The following PCDH15 variants were observed in gnomAD, a reference collection of about 807,000 sequenced individuals.
PCDH15 encodes protocadherin-15.
A neutral mutation model predicts 178.5 loss-of-function variants in PCDH15; 129 were observed. That is an observed-to-expected ratio of 0.72 (90% confidence interval 0.63 to 0.84). PCDH15 has a LOEUF of 0.84. Ranked by LOEUF, PCDH15 falls within the 40% of genes least tolerant of loss-of-function variation. The pLI, the probability that PCDH15 is intolerant of heterozygous loss-of-function variation, is 0.00. For synonymous variants in PCDH15, 800 were observed against 732.0 expected, an observed-to-expected ratio of 1.09 and a Z score of -1.50; for missense variants, 2,230 against 2,099.9, an observed-to-expected ratio of 1.06 and a Z score of -1.21.
chr10:54,201,677 A>AT (rs1299004728), intron 10 of PCDH15, among the ~76,000 whole-genome samples: 5 of 152,254 alleles, frequency 3.3e-5, no homozygotes, highest in East Asian at 1.9e-4. Flanking sequence ...GGCTTTAAAT[A>AT]TTTTTTTAAA....
intron 2 of PCDH15, among the ~76,000 whole-genome samples, chr10:55,613,047 G>A (rs1297850640): frequency 4.6e-5 from 6 of 131,624 alleles, no homozygotes; most frequent in East Asian, 2.4e-4. Flanking sequence ...TTTTTGAGAC[G>A]GAATCTCTCT....
chr10:55,544,854 G>A (rs554276376), intron 2 of PCDH15, among the ~76,000 whole-genome samples: 2 of 152,190 alleles, frequency 1.3e-5, no homozygotes, highest in South Asian at 2.1e-4. Context: ...AACTTTACAC[G>A]TAAAGGTAAA....
At chr10:54,036,490 T>TC (rs36008402) in intron 18 of PCDH15, among the ~76,000 whole-genome samples, 90,233 of 151,182 alleles carry the variant, frequency 0.6, 29,586 homozygotes, top group Middle Eastern at 0.76. Context: ...TAACAATGCC[T>TC]AATAAAAGCA....
chr10:54,660,284 TCA>T (rs2094470683), intron 2 of PCDH15, among the ~76,000 whole-genome samples: 1 of 152,034 alleles, frequency 6.6e-6, no homozygotes, highest in African/African-American at 2.4e-5. Context: ...CAAAATATAT[TCA>T]GAGTAGTCTA....
At chr10:55,386,744 A>G (rs888520676) in intron 2 of PCDH15, among the ~76,000 whole-genome samples, 2 of 152,102 alleles carry the variant, frequency 1.3e-5, no homozygotes, top group Non-Finnish European at 2.9e-5. Context: ...TTAATATAGT[A>G]TTTTAGTCTA....
chr10:53,899,134 C>G (rs944934405), intron 26 of PCDH15, among the ~76,000 whole-genome samples: 30 of 76,390 alleles, frequency 3.9e-4, no homozygotes, highest in Non-Finnish European at 6.6e-4. Context: ...TATTTATTTA[C>G]TTTTTTTCGG....
intron 16 of PCDH15, among the ~76,000 whole-genome samples, chr10:54,083,092 A>G (rs201965184): frequency 6.6e-6 from 1 of 152,180 alleles, no homozygotes; most frequent in East Asian, 1.9e-4. Flanking sequence ...ATATTTAAAA[A>G]AAGAAACAAC....
chr10:54,995,272 A>G (rs931038628), intron 2 of PCDH15, among the ~76,000 whole-genome samples: 2 of 151,714 alleles, frequency 1.3e-5, no homozygotes, highest in Non-Finnish European at 2.9e-5. Flanking sequence ...ACTACTCGGG[A>G]GGCTGAGGCA....
intron 2 of PCDH15, among the ~76,000 whole-genome samples, chr10:54,659,117 AC>A (rs2094452378): frequency 6.6e-6 from 1 of 152,200 alleles, no homozygotes; most frequent in African/African-American, 2.4e-5. Context: ...ATTAATAAAA[AC>A]AACTAGACCT....
rs1412089416 is a variant in PCDH15, at chr10:55,145,745, T to A, written c.-80+20831A>T. Among the ~76,000 whole-genome samples, 3 of 140,562 alleles carry A rather than the reference T, an allele frequency of 2.1e-5. No individual in the cohort carries two copies. In the East Asian group the frequency reaches 5.9e-4, roughly 28 times the overall value. 92.2% of individuals were successfully genotyped at this position (140,562 alleles called of 152,430 possible). ...ATATCTCAGGCAAGTTATCAACAAT[T>A]TCCTAAATCAGAACAAAAAAATATT... On this transcript the variant is annotated intron_variant, in intron 2 of 5. Coordinates refer to the PCDH15 transcript ENST00000458638.
intron 2 of PCDH15, among the ~76,000 whole-genome samples, chr10:55,076,071 T>C (rs1160503535): frequency 2.0e-5 from 3 of 152,318 alleles, no homozygotes; most frequent in Non-Finnish European, 4.4e-5. Context: ...AATTGATTTC[T>C]AGTTTTATTT....
intron 13 of PCDH15, among the ~76,000 whole-genome samples, chr10:54,179,087 T>G (rs1350676164): frequency 6.6e-6 from 1 of 152,156 alleles, no homozygotes; most frequent in African/African-American, 2.4e-5. Flanking sequence ...CAAAGGACTA[T>G]AAATCAGGCT....
chr10:55,156,630 T>C (rs889383658), intron 2 of PCDH15, among the ~76,000 whole-genome samples: 1 of 152,154 alleles, frequency 6.6e-6, no homozygotes, highest in African/African-American at 2.4e-5. Flanking sequence ...AGAAGTAGAA[T>C]AGGTTTTACT....
chr10:53,918,710 A>T (rs1021679387), intron 25 of PCDH15, among the ~76,000 whole-genome samples: 6 of 99,608 alleles, frequency 6.0e-5, no homozygotes, highest in Non-Finnish European at 1.0e-4. Flanking sequence ...ATGCAAATAC[A>T]CAAACACACA....
chr10:55,275,029 TTC>T (rs1341913714), intron 1 of PCDH15, among the ~76,000 whole-genome samples: 1 of 152,074 alleles, frequency 6.6e-6, no homozygotes, highest in Admixed American at 6.6e-5. Context: ...TCCTGCTGTT[TTC>T]TCTTTTTTTC....
At position 54,563,683 on chromosome 10, in the gene PCDH15, A is replaced by G. The variant is rs149365927; in HGVS notation, c.92-35806T>C. On this transcript the variant is annotated intron_variant, in intron 2 of 37. Transcript: ENST00000644397. Reference sequence around the variant, plus strand: ...CTTTTAAAGGACATCACCTTGCCCTACCAAGAGAAGGTAGCTGTTAAATTG... The same window carrying G: ...CTTTTAAAGGACATCACCTTGCCCTGCCAAGAGAAGGTAGCTGTTAAATTG... Among the ~76,000 whole-genome samples, 48 of 152,268 alleles carry G rather than the reference A, an allele frequency of 3.2e-4. No individual in the cohort carries two copies. The East Asian group carries it at 9.3e-3, about 29-fold the overall frequency.
At chr10:55,143,584 T>C (rs1418038212) in intron 2 of PCDH15, among the ~76,000 whole-genome samples, 1 of 152,026 alleles carries the variant, frequency 6.6e-6, no homozygotes, top group Non-Finnish European at 1.5e-5. Context: ...AATAAATAAA[T>C]AAATAAATTG....
chr10:55,104,069 A>G (rs1041384338), intron 2 of PCDH15, among the ~76,000 whole-genome samples: 4 of 152,082 alleles, frequency 2.6e-5, no homozygotes, highest in African/African-American at 9.7e-5. Flanking sequence ...ATATACATAC[A>G]TACACACACA....
intron 2 of PCDH15, among the ~76,000 whole-genome samples, chr10:54,971,720 A>G (rs1838937408): frequency 6.6e-6 from 1 of 152,250 alleles, no homozygotes; most frequent in South Asian, 2.1e-4. Context: ...ACCAGAATCT[A>G]CAACTATATT....
Sources: gnomAD v4.1 joint callset for allele counts (sites outside exome capture counted in the v4.1 genomes callset) on GRCh38, gnomAD v4.1.1 for gene constraint, MANE v1.5 for transcripts, NCBI Gene and HGNC (gene_info 2026-07-23, HGNC 2026-07-21) for gene names.